GABRB3: variants seen among roughly 807,000 people sequenced by gnomAD.
GABRB3 encodes gamma-aminobutyric acid type A receptor subunit beta3, also known as gamma-aminobutyric acid receptor subunit beta-3.
GABRB3 carries 14 observed loss-of-function variants against 52.1 expected under a neutral mutation model. The ratio of observed to expected loss-of-function variants is 0.27; its 90% CI spans 0.18 to 0.42. GABRB3 has a LOEUF of 0.42. GABRB3 is among the 10% of genes least tolerant of loss of function. The pLI is 1.00. For missense variants in GABRB3, 307 were observed against 609.1 expected (o/e 0.50, Z 5.22); for synonymous variants, 260 against 232.3 (o/e 1.12, Z -1.08).
At chr15:26,575,586 T>G (rs904831389) in intron 6 of GABRB3, among the ~76,000 whole-genome samples, 2 of 152,194 alleles carry the variant, frequency 1.3e-5, no homozygotes, top group Non-Finnish European at 2.9e-5. Context: ...TTAAGCAGAC[T>G]AAAGCCTGGA....
intron 3 of GABRB3, among the ~76,000 whole-genome samples, chr15:26,736,933 A>G (rs6576602): frequency 0.75 from 113,506 of 151,666 alleles, 43,176 homozygotes; most frequent in South Asian, 0.84. Flanking sequence ...AGGTCTGCAA[A>G]GAGTGCATTT....
At chr15:26,629,851 C>T (rs1394727135) in intron 3 of GABRB3, among the ~76,000 whole-genome samples, 1 of 152,154 alleles carries the variant, frequency 6.6e-6, no homozygotes, top group Non-Finnish European at 1.5e-5. Flanking sequence ...TGTGTGTTCA[C>T]CAATACTGAC....
intron 3 of GABRB3, among the ~76,000 whole-genome samples, chr15:26,749,431 A>C (rs1169002681): frequency 6.6e-6 from 1 of 152,132 alleles, no homozygotes; most frequent in Non-Finnish European, 1.5e-5. Flanking sequence ...TTTGTTTAAG[A>C]CTCATGGTAT....
chr15:26,719,282 C>T (rs1217793971), intron 3 of GABRB3, among the ~76,000 whole-genome samples: 1 of 152,226 alleles, frequency 6.6e-6, no homozygotes, highest in Non-Finnish European at 1.5e-5. Context: ...CTGCTCAGCA[C>T]GGACTGTTCC....
intron 6 of GABRB3, among the ~76,000 whole-genome samples, chr15:26,572,522 TC>T (rs1890445784): frequency 6.6e-6 from 1 of 152,212 alleles, no homozygotes; most frequent in African/African-American, 2.4e-5. Flanking sequence ...CAAAGGCTTT[TC>T]CCATTTGATG....
At chr15:26,685,803 T>C (rs1213191117) in intron 3 of GABRB3, among the ~76,000 whole-genome samples, 1 of 148,652 alleles carries the variant, frequency 6.7e-6, no homozygotes, top group African/African-American at 2.5e-5. Flanking sequence ...GATGGTCTTT[T>C]TTTTTTTTTT....
chr15:26,730,969 C>A (rs12591336), intron 3 of GABRB3, among the ~76,000 whole-genome samples: 22,167 of 152,086 alleles, frequency 0.15, 1,999 homozygotes, highest in East Asian at 0.31. Context: ...AATTTGGGTT[C>A]AACATTTAAC....
chr15:26,675,418 C>T (rs1030107896), intron 3 of GABRB3, among the ~76,000 whole-genome samples: 1 of 152,162 alleles, frequency 6.6e-6, no homozygotes, highest in Middle Eastern at 3.4e-3. Context: ...TGAACACCCC[C>T]TACCTTGTGT....
At chr15:26,570,858 C>T (rs2140706218) in intron 6 of GABRB3, among the ~76,000 whole-genome samples, 1 of 152,100 alleles carries the variant, frequency 6.6e-6, no homozygotes, top group East Asian at 1.9e-4. Flanking sequence ...AAGGTAAGAT[C>T]TTCCTTAATA....
At chr15:26,737,239 C>G (rs12437487) in intron 3 of GABRB3, among the ~76,000 whole-genome samples, 1 of 151,972 alleles carries the variant, frequency 6.6e-6, no homozygotes, top group Non-Finnish European at 1.5e-5. Context: ...AGTGATGACT[C>G]GATAGCCCAG....
intron 3 of GABRB3, among the ~76,000 whole-genome samples, chr15:26,704,357 G>A (rs1222328264): frequency 2.6e-5 from 4 of 152,192 alleles, no homozygotes; most frequent in Admixed American, 1.3e-4. Flanking sequence ...AGTCTGCCAT[G>A]GGAAGTCCTT....
intron 3 of GABRB3, among the ~76,000 whole-genome samples, chr15:26,636,224 T>C (rs1463634926): frequency 1.3e-5 from 2 of 152,210 alleles, no homozygotes; most frequent in African/African-American, 4.8e-5. Context: ...AAGGACCTTG[T>C]ACTTTCATTT....
chr15:26,549,305 T>A (rs1370417738), intron 8 of GABRB3, among the ~76,000 whole-genome samples: 1 of 152,108 alleles, frequency 6.6e-6, no homozygotes, highest in African/African-American at 2.4e-5. Context: ...GCCGGGCCTG[T>A]ATGGAGTTCC....
chr15:26,700,315 T>C (rs1888886184), intron 3 of GABRB3, among the ~76,000 whole-genome samples: 1 of 152,138 alleles, frequency 6.6e-6, no homozygotes, highest in Non-Finnish European at 1.5e-5. Context: ...TGAATAAACC[T>C]CTATCTATCA....
At chr15:26,744,274 T>A (rs767288395) in intron 3 of GABRB3, among the ~76,000 whole-genome samples, 1 of 152,200 alleles carries the variant, frequency 6.6e-6, no homozygotes, top group Non-Finnish European at 1.5e-5. Context: ...ACTTAAAAAA[T>A]TAGATAGGCT....
rs1027651826 is a variant in GABRB3, at chr15:26,545,925, T to C, written c.*1868A>G. 6.6e-6 allele frequency: 1 copy of C among 152,638 alleles called. No homozygotes were observed. Among genetic ancestry groups the C allele is most frequent in the South Asian group, 2.1e-4 (1 of 4,826 alleles). The allele number at this position is 152,638 out of a possible 1,614,324, so 9.5% of individuals were successfully genotyped here. ...ATTTTGTGGATTATGTTTTATCTGA[T>C]GGTGGGTTTTGAACTGTTGCAGATG... On this transcript the variant is annotated 3_prime_UTR_variant, in exon 9 of 9. Coordinates refer to ENST00000311550, the MANE Select transcript of GABRB3 (RefSeq NM_000814.6).
chr15:26,681,716 C>G (rs1356021738), intron 3 of GABRB3, among the ~76,000 whole-genome samples: 1 of 152,178 alleles, frequency 6.6e-6, no homozygotes, highest in Admixed American at 6.5e-5. Flanking sequence ...AATCCCAGCA[C>G]TCCAGAAGGC....
chr15:26,606,920 C>A (rs879624863), intron 4 of GABRB3, among the ~76,000 whole-genome samples: 1 of 151,660 alleles, frequency 6.6e-6, no homozygotes, highest in Non-Finnish European at 1.5e-5. Flanking sequence ...TGAACTGTAA[C>A]CTAGCTTAAT....
At chr15:26,575,242 C>T (rs1291363645) in intron 6 of GABRB3, among the ~76,000 whole-genome samples, 1 of 152,140 alleles carries the variant, frequency 6.6e-6, no homozygotes, top group Non-Finnish European at 1.5e-5. Flanking sequence ...ATGTCAGAAG[C>T]CCTTATAAAA....
Sources: allele counts gnomAD v4.1 joint callset (sites outside exome capture counted in the v4.1 genomes callset), GRCh38; gene constraint gnomAD v4.1.1; transcripts MANE v1.5; gene names NCBI Gene and HGNC (gene_info 2026-07-23, HGNC 2026-07-21).